Variants in ITPRID1 observed in about 807,000 individuals in gnomAD.
ITPRID1 encodes ITPR interacting domain containing 1, also known as protein ITPRID1.
ITPRID1 carries 96 observed loss-of-function variants against 95.4 expected under a neutral mutation model. The observed-to-expected ratio is 1.01, with a 90% CI of 0.85 to 1.19. The LOEUF is 1.19. Among genes scored for constraint, ITPRID1 ranks in the 50% most tolerant of loss-of-function variants. The pLI is 0.00. For synonymous variants in ITPRID1, 510 were observed against 453.6 expected, an observed-to-expected ratio of 1.12 and a Z score of -1.58; for missense variants, 1,339 against 1,252.9, an observed-to-expected ratio of 1.07 and a Z score of -1.04.
In ITPRID1 at chr7:31,652,884, A is replaced by G. The variant is rs1021231212; in HGVS notation, c.*55A>G. On this transcript the variant is annotated 3_prime_UTR_variant, in exon 15 of 15. Transcript: ENST00000615280. Reference sequence around the variant, plus strand: ...AAATATAAAGGCCCAGAACAGATGTAGCAAGGAAATTTCAATTTTCCCCAA... The same window carrying G: ...AAATATAAAGGCCCAGAACAGATGTGGCAAGGAAATTTCAATTTTCCCCAA... The G allele has an allele frequency of 5.1e-6, 8 of 1,560,996 alleles. No homozygotes were observed. The African/African-American group carries it at 1.1e-4, about 21-fold the overall frequency.
intron 10 of ITPRID1, among the ~76,000 whole-genome samples, chr7:31,641,123 A>G (rs779213304): frequency 6.6e-6 from 1 of 152,172 alleles, no homozygotes; most frequent in Non-Finnish European, 1.5e-5. Flanking sequence ...AGGGAGAAGA[A>G]TGATGCTGCT....
intron 10 of ITPRID1, among the ~76,000 whole-genome samples, chr7:31,590,576 C>T (rs1785821985): frequency 6.6e-6 from 1 of 151,910 alleles, no homozygotes; most frequent in African/African-American, 2.4e-5. Context: ...CAACATTGAA[C>T]CTTTCAGCCA....
At chr7:31,595,070 C>CTTT (rs958852739) in intron 10 of ITPRID1, among the ~76,000 whole-genome samples, 19 of 127,438 alleles carry the variant, frequency 1.5e-4, no homozygotes, top group African/African-American at 1.7e-4. Flanking sequence ...TTTATAATTT[C>CTTT]TTTTTTTTTT....
intron 10 of ITPRID1, among the ~76,000 whole-genome samples, chr7:31,596,160 CATAAT>C (rs1786080612): frequency 6.6e-6 from 1 of 150,650 alleles, no homozygotes; most frequent in Non-Finnish European, 1.5e-5. Flanking sequence ...AATAAAGTAA[CATAAT>C]AGAAAAGATA....
At chr7:31,541,835 T>C (rs1783942703) in intron 1 of ITPRID1, among the ~76,000 whole-genome samples, 1 of 152,164 alleles carries the variant, frequency 6.6e-6, no homozygotes, top group Non-Finnish European at 1.5e-5. Flanking sequence ...TAACCCTTTA[T>C]AATTTTTGTT....
intron 10 of ITPRID1, among the ~76,000 whole-genome samples, chr7:31,614,162 G>C (rs958549434): frequency 2.0e-5 from 3 of 152,030 alleles, no homozygotes; most frequent in Non-Finnish European, 4.4e-5. Flanking sequence ...TTGTCATTTA[G>C]TCTAAACCAT....
Position 31,552,922 on chromosome 7 carries a change from C to A in ITPRID1, c.-23-80C>A. ...ATTCATCTGACTGTAGGCATTCTGGCCTTCTTTCTCCCTTTCACTGAGCCA... is the reference window on the plus strand; with the variant it reads ...ATTCATCTGACTGTAGGCATTCTGGACTTCTTTCTCCCTTTCACTGAGCCA... On this transcript the variant is annotated intron_variant, in intron 2 of 14. Coordinates refer to ENST00000615280, the MANE Select transcript of ITPRID1 (RefSeq NM_001257967.3). 8 of 1,383,648 alleles carry A rather than the reference C, an allele frequency of 5.8e-6. No homozygotes were observed. The South Asian group carries it at 8.5e-5, about 15-fold the overall frequency. 85.7% of individuals were successfully genotyped at this position (1,383,648 alleles called of 1,614,324 possible). A position where few individuals can be genotyped will look rare whatever the true frequency, so the allele number is the denominator to read the frequency against.
At position 31,642,862 on chromosome 7, in the gene ITPRID1, T is replaced by C; in HGVS notation, c.1492T>C (p.Ser498Pro). 1 of 1,613,976 alleles carries C rather than the reference T, an allele frequency of 6.2e-7. No homozygotes were observed. The highest frequency in any genetic ancestry group is 8.5e-7 in the Non-Finnish European group (1 of 1,179,892). The change falls in exon 12 of 15, where the codon TCA becomes CCA. Residue 498 changes from serine to proline, a missense_variant. By Grantham distance (74) the Ser-to-Pro change is moderately conservative. Coordinates refer to ENST00000615280, the MANE Select transcript of ITPRID1 (RefSeq NM_001257967.3). The part of the protein sequence containing the change: ...QEANALEQRA[S>P]VSVMEEEFLL... ...AGCGAATGCCTTGGAACAAAGGGCC[T>C]CAGTATCTGTGATGGAGGAAGAGTT...
chr7:31,638,149 A>T (rs564090352), intron 10 of ITPRID1, among the ~76,000 whole-genome samples: 47 of 152,226 alleles, frequency 3.1e-4, no homozygotes, highest in Non-Finnish European at 3.7e-4. Context: ...TACTGCAAGA[A>T]TCATCATGAA....
chr7:31,550,130 T>C (rs11770330), intron 2 of ITPRID1, among the ~76,000 whole-genome samples: 37,329 of 151,648 alleles, frequency 0.25, 4,796 homozygotes, highest in Middle Eastern at 0.35. Flanking sequence ...TTTTTTTTCC[T>C]TTTTCAAGGC....
chr7:31,606,458 CGA>C (rs3078452), intron 10 of ITPRID1, among the ~76,000 whole-genome samples: 129,511 of 151,016 alleles, frequency 0.86, 55,617 homozygotes, highest in East Asian at 0.99. Flanking sequence ...GAAAAGAAAA[CGA>C]GAGAGAGAGA....
At chr7:31,562,679 C>T (rs1215988667) in intron 5 of ITPRID1, among the ~76,000 whole-genome samples, 1 of 152,158 alleles carries the variant, frequency 6.6e-6, no homozygotes, top group African/African-American at 2.4e-5. Context: ...CAGAATGTCA[C>T]TCTAACTGTC....
At chr7:31,547,897 C>G (rs757937819) in intron 1 of ITPRID1, among the ~76,000 whole-genome samples, 5 of 152,090 alleles carry the variant, frequency 3.3e-5, no homozygotes, top group Non-Finnish European at 5.9e-5. Flanking sequence ...GTGAAGTAAA[C>G]TCACAGGCTG....
At chr7:31,595,766 A>T (rs1786061682) in intron 10 of ITPRID1, among the ~76,000 whole-genome samples, 1 of 152,126 alleles carries the variant, frequency 6.6e-6, no homozygotes, top group Admixed American at 6.5e-5. Context: ...AGAAATTGGT[A>T]ATGTGGAAAG....
intron 6 of ITPRID1, among the ~76,000 whole-genome samples, chr7:31,570,045 A>G (rs768858104): frequency 3.9e-4 from 60 of 152,222 alleles, no homozygotes; most frequent in Non-Finnish European, 5.3e-4. Flanking sequence ...TGTGGGGGAA[A>G]ATTTAATTAC....
At position 31,643,932 on chromosome 7, in the gene ITPRID1, T is replaced by C; in HGVS notation, c.2562T>C (p.Thr854=). 1 of 1,612,164 alleles carries C rather than the reference T, an allele frequency of 6.2e-7. No homozygotes were observed. The highest frequency in any genetic ancestry group is 2.2e-5 in the East Asian group (1 of 44,854). Residue 854 remains threonine, a synonymous_variant, in exon 12 of 15, where the codon ACT becomes ACC. Coordinates refer to ENST00000615280, the MANE Select transcript of ITPRID1 (RefSeq NM_001257967.3). The part of the protein sequence containing the change: ...FMTTLKALQD[T]TVRELCSCTV... Reference sequence around the variant, plus strand: ...CGACTTTGAAAGCCCTTCAGGACACTACAGTGAGGGAGCTATGTTCCGTAA... The same window carrying C: ...CGACTTTGAAAGCCCTTCAGGACACCACAGTGAGGGAGCTATGTTCCGTAA...
At chr7:31,613,564 C>G (rs909461532) in intron 10 of ITPRID1, among the ~76,000 whole-genome samples, 4 of 151,982 alleles carry the variant, frequency 2.6e-5, no homozygotes, top group Non-Finnish European at 5.9e-5. Context: ...GTTTGTTAGT[C>G]AGTAACAATG....
intron 8 of ITPRID1, among the ~76,000 whole-genome samples, chr7:31,576,241 T>TG (rs1785178867): frequency 6.6e-6 from 1 of 152,212 alleles, no homozygotes; most frequent in Admixed American, 6.5e-5. Context: ...TAAAGCTAGT[T>TG]GGCAGATAGA....
chr7:31,610,290 G>A (rs868536629), intron 10 of ITPRID1, among the ~76,000 whole-genome samples: 2 of 151,296 alleles, frequency 1.3e-5, no homozygotes, highest in African/African-American at 4.8e-5. Context: ...TTTTACAGAT[G>A]TCTATTAGGA....
Sources: allele counts gnomAD v4.1 joint callset (sites outside exome capture counted in the v4.1 genomes callset), GRCh38; gene constraint gnomAD v4.1.1; transcripts MANE v1.5; gene names NCBI Gene and HGNC (gene_info 2026-07-23, HGNC 2026-07-21).